GARIN1B: variants seen among roughly 807,000 people sequenced by gnomAD.
The protein encoded by GARIN1B is golgi associated RAB2 interactor 1B, also known as Golgi-associated RAB2 interactor protein 1B.
At chr7:128,719,432 A>G in the GARIN1B span, among the ~76,000 whole-genome samples, 13 of 152,018 alleles carry the variant, frequency 8.6e-5, no homozygotes, top group East Asian at 2.5e-3. Flanking sequence ...GTTTCAGAAC[A>G]TTTCCATTAC....
the GARIN1B span, chr7:128,724,849 A>G: frequency 2.4e-5 from 31 of 1,289,436 alleles, no homozygotes; most frequent in Non-Finnish European, 3.1e-5. Context: ...AAACCAGTAC[A>G]GCTTGGAGGA....
chr7:128,715,990 T>C, the GARIN1B span, among the ~76,000 whole-genome samples: 83 of 152,246 alleles, frequency 5.5e-4, 1 homozygote, highest in East Asian at 0.015. Flanking sequence ...CTGAAGTAGA[T>C]GAACAAAGAG....
chr7:128,724,980 A>C, the GARIN1B span: 1 of 870,136 alleles, frequency 1.1e-6, no homozygotes, highest in Non-Finnish European at 1.5e-6. Context: ...AATGGAAATG[A>C]AAATAGTGCC....
the GARIN1B span, chr7:128,715,309 G>C: frequency 2.0e-3 from 2,896 of 1,484,252 alleles, 77 homozygotes; most frequent in East Asian, 0.057. Context: ...GTCTGTCCTG[G>C]TTTTTCATGA....
chr7:128,723,085 G>C, the GARIN1B span: 3 of 1,322,032 alleles, frequency 2.3e-6, no homozygotes, highest in African/African-American at 1.5e-5. Flanking sequence ...TGGTGTGGCT[G>C]CACTTTGGAA....
chr7:128,722,087 C>T, the GARIN1B span, among the ~76,000 whole-genome samples: 2 of 152,006 alleles, frequency 1.3e-5, no homozygotes, highest in Non-Finnish European at 2.9e-5. Flanking sequence ...CTTTGTGATC[C>T]CCTAGCTTTG....
At chr7:128,727,141 T>C in the GARIN1B span, among the ~76,000 whole-genome samples, 4 of 152,188 alleles carry the variant, frequency 2.6e-5, no homozygotes, top group Non-Finnish European at 4.4e-5. Flanking sequence ...CCTTCTCATC[T>C]CAAGCCTGTA....
chr7:128,721,416 T>G, the GARIN1B span, among the ~76,000 whole-genome samples: 2 of 152,230 alleles, frequency 1.3e-5, no homozygotes, highest in East Asian at 3.8e-4. Context: ...GGGTCATTCA[T>G]TGATAGTATT....
the GARIN1B span, chr7:128,731,285 T>G: frequency 2.8e-6 from 2 of 714,874 alleles, no homozygotes; most frequent in Non-Finnish European, 5.0e-6. Flanking sequence ...AACCACGTCC[T>G]CGCCACTGCA....
chr7:128,719,655 G>A, the GARIN1B span, among the ~76,000 whole-genome samples: 32,542 of 150,476 alleles, frequency 0.22, 3,777 homozygotes, highest in East Asian at 0.38. Flanking sequence ...CAACTCCAGG[G>A]CAGAGTCACA....
At chr7:128,725,605 T>C in the GARIN1B span, among the ~76,000 whole-genome samples, 1 of 152,142 alleles carries the variant, frequency 6.6e-6, no homozygotes, top group Non-Finnish European at 1.5e-5. Context: ...CTCCTGGCCT[T>C]ATGTGATCCA....
chr7:128,723,440 C>T, the GARIN1B span: 18 of 1,218,270 alleles, frequency 1.5e-5, no homozygotes, highest in East Asian at 1.8e-4. Flanking sequence ...TGACCAGGCA[C>T]GGTGGCTCAC....
At chr7:128,722,688 T>C in the GARIN1B span, among the ~76,000 whole-genome samples, 8 of 151,810 alleles carry the variant, frequency 5.3e-5, no homozygotes, top group Middle Eastern at 3.4e-3. Context: ...CCTGTAGTCC[T>C]AGCTACTTGG....
At chr7:128,717,530 T>C in the GARIN1B span, among the ~76,000 whole-genome samples, 39 of 149,914 alleles carry the variant, frequency 2.6e-4, no homozygotes, top group African/African-American at 9.6e-4. Flanking sequence ...CACTGCAACC[T>C]CTGCCTCACA....
the GARIN1B span, chr7:128,715,449 C>A: frequency 1.9e-6 from 3 of 1,613,958 alleles, no homozygotes; most frequent in South Asian, 1.1e-5. Flanking sequence ...GAAATGTTGT[C>A]ATCATTTCCA....
At chr7:128,712,683 T>C in the GARIN1B span, among the ~76,000 whole-genome samples, 1 of 152,202 alleles carries the variant, frequency 6.6e-6, no homozygotes, top group African/African-American at 2.4e-5. Context: ...CACCAAAGTT[T>C]TCATCACTAA....
At chr7:128,722,632 C>T in the GARIN1B span, among the ~76,000 whole-genome samples, 49 of 151,994 alleles carry the variant, frequency 3.2e-4, 1 homozygote, top group Admixed American at 7.2e-4. Context: ...GGTGAAACCC[C>T]GTCTCTACTA....
the GARIN1B span, chr7:128,731,129 T>G: frequency 6.2e-7 from 1 of 1,608,340 alleles, no homozygotes; most frequent in African/African-American, 1.3e-5. Context: ...CCTTCCGCAC[T>G]GGGGAGAATC....
the GARIN1B span, chr7:128,717,109 AT>A: frequency 9.7e-7 from 1 of 1,035,552 alleles, no homozygotes; most frequent in Non-Finnish European, 1.4e-6. Flanking sequence ...CAGCAGTGAC[AT>A]TGATTTTTTT....
Sources: allele counts gnomAD v4.1 joint callset (sites outside exome capture counted in the v4.1 genomes callset), GRCh38; gene constraint gnomAD v4.1.1; transcripts MANE v1.5; gene names NCBI Gene and HGNC (gene_info 2026-07-23, HGNC 2026-07-21).